TAF4B: variants seen among roughly 807,000 people sequenced by gnomAD.
The protein encoded by TAF4B is TATA-box binding protein associated factor 4b, also known as transcription initiation factor TFIID subunit 4B.
TAF4B carries 38 observed loss-of-function variants against 86.4 expected under a neutral mutation model. The ratio of observed to expected loss-of-function variants is 0.44; its 90% confidence interval spans 0.34 to 0.58. The LOEUF is 0.58. TAF4B is among the 20% of genes least tolerant of loss of function. The pLI, the probability that TAF4B is intolerant of heterozygous loss-of-function variation, is 0.02. For missense variants in TAF4B, 988 were observed against 1,027.6 expected, an observed-to-expected ratio of 0.96 and a Z score of 0.53; for synonymous variants, 388 against 391.2, an observed-to-expected ratio of 0.99 and a Z score of 0.10.
intron 12 of TAF4B, among the ~76,000 whole-genome samples, chr18:26,330,625 G>T (rs372852494): frequency 1.3e-5 from 2 of 151,996 alleles, no homozygotes; most frequent in African/African-American, 4.8e-5. Context: ...ATATGTACAC[G>T]TTTATATATA....
intron 9 of TAF4B, among the ~76,000 whole-genome samples, chr18:26,297,904 T>G (rs541461660): frequency 1.3e-5 from 2 of 152,294 alleles, no homozygotes; most frequent in African/African-American, 4.8e-5. Flanking sequence ...TTTAACTCTA[T>G]GGGAAGCCAC....
At chr18:26,235,780 T>C (rs1034818345) in intron 1 of TAF4B, among the ~76,000 whole-genome samples, 9 of 152,146 alleles carry the variant, frequency 5.9e-5, no homozygotes, top group Non-Finnish European at 1.2e-4. Context: ...CTTCTTCTGG[T>C]ATTTGAGAGA....
chr18:26,391,114 G>A lies in TAF4B; in HGVS notation c.*1102G>A, dbSNP rs751564611. 2.0e-5 allele frequency: 3 copies of A among 151,686 alleles called. No individual in the cohort carries two copies. The highest frequency in any genetic ancestry group is 4.4e-5 in the Non-Finnish European group (3 of 67,980). 9.4% of individuals were successfully genotyped at this position (151,686 alleles called of 1,614,324 possible). On this transcript the variant is annotated 3_prime_UTR_variant, in exon 15 of 15. Coordinates refer to ENST00000269142, the MANE Select transcript of TAF4B (RefSeq NM_005640.3). ...TTGGATTCTGTACTTAAAAGGTACT[G>A]TCAATATCTCACTCTTGGGGATATG...
chr18:26,353,760 G>A (rs538233210), intron 13 of TAF4B, among the ~76,000 whole-genome samples: 5 of 152,198 alleles, frequency 3.3e-5, no homozygotes, highest in South Asian at 2.1e-4. Context: ...AATGAAGCAG[G>A]AAAGACAAAT....
intron 13 of TAF4B, among the ~76,000 whole-genome samples, chr18:26,353,751 A>G (rs187569909): frequency 1.3e-5 from 2 of 152,384 alleles, no homozygotes; most frequent in East Asian, 1.9e-4. Flanking sequence ...TATCAGTACA[A>G]TGAAGCAGGA....
chr18:26,260,375 G>A (rs1465343903), intron 1 of TAF4B, among the ~76,000 whole-genome samples: 4 of 152,156 alleles, frequency 2.6e-5, no homozygotes, highest in Non-Finnish European at 4.4e-5. Flanking sequence ...GTCCTGAATG[G>A]TATTGCCTAG....
At chr18:26,239,196 A>C (rs550865048) in intron 1 of TAF4B, among the ~76,000 whole-genome samples, 1 of 152,326 alleles carries the variant, frequency 6.6e-6, no homozygotes, top group East Asian at 1.9e-4. Flanking sequence ...ACTAGTTTGC[A>C]TTCCCACCAA....
In TAF4B at chr18:26,383,231, A is replaced by G. The variant is rs76291610; in HGVS notation, c.2422-6614A>G. On this transcript the variant is annotated intron_variant, in intron 14 of 14. Transcript: ENST00000269142. ...CTGGAGCATTTCAAGCAAGAAAACA[A>G]TTTTGTCAGATTATTTTTGAAAGAT... is the stretch of plus-strand genomic sequence containing the variant. Among the ~76,000 whole-genome samples, 965 of 152,286 alleles carry G rather than the reference A, an allele frequency of 6.3e-3. 5 individuals carry two copies. Among genetic ancestry groups the G allele is most frequent in the Non-Finnish European group, 0.01 (681 of 68,004 alleles).
intron 1 of TAF4B, among the ~76,000 whole-genome samples, chr18:26,259,530 G>A (rs2144522311): frequency 6.6e-6 from 1 of 151,854 alleles, no homozygotes; most frequent in Non-Finnish European, 1.5e-5. Context: ...GAGAACATGT[G>A]GTGTTTGGTT....
At chr18:26,269,190 C>T (rs1444489590) in intron 3 of TAF4B, among the ~76,000 whole-genome samples, 1 of 151,692 alleles carries the variant, frequency 6.6e-6, no homozygotes, top group African/African-American at 2.4e-5. Flanking sequence ...GTGTTTGCTT[C>T]CTGTGGGCAG....
At chr18:26,250,527 A>G (rs1001896601) in intron 1 of TAF4B, among the ~76,000 whole-genome samples, 3 of 151,240 alleles carry the variant, frequency 2.0e-5, no homozygotes, top group Non-Finnish European at 4.4e-5. Context: ...TTTTTTTTGT[A>G]GAGATGGGGT....
At chr18:26,238,496 T>TGTCTGA (rs2055784254) in intron 1 of TAF4B, among the ~76,000 whole-genome samples, 1 of 152,212 alleles carries the variant, frequency 6.6e-6, no homozygotes, top group African/African-American at 2.4e-5. Context: ...GCAAAAATTA[T>TGTCTGA]GTCTGATTGG....
At chr18:26,345,616 C>T (rs2057170566) in intron 13 of TAF4B, among the ~76,000 whole-genome samples, 1 of 152,188 alleles carries the variant, frequency 6.6e-6, no homozygotes, top group Admixed American at 6.5e-5. Context: ...AGAAACTACA[C>T]TACTGTGTCC....
intron 9 of TAF4B, chr18:26,304,840 A>G: frequency 1.0e-6 from 1 of 985,432 alleles, no homozygotes; most frequent in South Asian, 4.7e-5. Context: ...AATCTAGTCC[A>G]CTTACTGCCT....
intron 9 of TAF4B, 70 bp from the exon 10 acceptor site, chr18:26,315,159 T>TCACACACACACACACA (rs1415957433): frequency 5.6e-5 from 17 of 301,530 alleles, no homozygotes; most frequent in African/African-American, 2.3e-4. Flanking sequence ...TCTCTCTCTC[T>TCACACACACACACACA]CTCACACACA....
At chr18:26,328,316 G>A (rs904544882) in intron 12 of TAF4B, among the ~76,000 whole-genome samples, 3 of 151,986 alleles carry the variant, frequency 2.0e-5, no homozygotes, top group South Asian at 2.1e-4. Flanking sequence ...GGGTGTGGTG[G>A]TGCACGCCTG....
intron 14 of TAF4B, among the ~76,000 whole-genome samples, chr18:26,363,278 A>G (rs1278150707): frequency 1.3e-5 from 2 of 149,438 alleles, no homozygotes; most frequent in African/African-American, 4.9e-5. Flanking sequence ...TTTGTTTTCA[A>G]AATGAGAGAC....
chr18:26,226,903 A>G lies in TAF4B; in HGVS notation c.-31A>G, dbSNP rs1478424359. The G allele has an allele frequency of 4.5e-6, 6 of 1,346,020 alleles. No homozygotes were observed. In the African/African-American group the frequency reaches 7.7e-5, roughly 17 times the overall value. 83.4% of individuals were successfully genotyped at this position (1,346,020 alleles called of 1,614,324 possible). On this transcript the variant is annotated 5_prime_UTR_variant, in exon 1 of 15. Coordinates refer to ENST00000269142, the MANE Select transcript of TAF4B (RefSeq NM_005640.3). ...CCCTCACCTCTGCTCCCGGAACCGCAGCGCCAAAGCTGCCGCTGAGCCCCT... is the reference window on the plus strand; with the variant it reads ...CCCTCACCTCTGCTCCCGGAACCGCGGCGCCAAAGCTGCCGCTGAGCCCCT...
At chr18:26,238,918 C>G (rs1223584673) in intron 1 of TAF4B, among the ~76,000 whole-genome samples, 1 of 152,170 alleles carries the variant, frequency 6.6e-6, no homozygotes, top group African/African-American at 2.4e-5. Flanking sequence ...AGGACATGAA[C>G]TCATCCTTTT....
Sources: allele counts gnomAD v4.1 joint callset (sites outside exome capture counted in the v4.1 genomes callset), GRCh38; gene constraint gnomAD v4.1.1; transcripts MANE v1.5; gene names NCBI Gene and HGNC (gene_info 2026-07-23, HGNC 2026-07-21).